Variants in POSTN observed in about 807,000 individuals in gnomAD.
The protein encoded by POSTN is periostin.
POSTN carries 71 observed loss-of-function variants against 104.5 expected under a neutral mutation model. That is an observed-to-expected ratio of 0.68 (90% CI 0.56 to 0.83). The LOEUF (loss-of-function observed/expected upper bound fraction) is 0.83. Ranked by LOEUF, POSTN falls within the 40% of genes least tolerant of loss-of-function variation. The pLI is 0.00. For synonymous variants in POSTN, 355 were observed against 340.7 expected, an observed-to-expected ratio of 1.04 and a Z score of -0.46; for missense variants, 949 against 1,006.8, an observed-to-expected ratio of 0.94 and a Z score of 0.78.
chr13:37,587,678 C>T, intron 5 of POSTN, 144 bp downstream of exon 5: 3 of 623,496 alleles, frequency 4.8e-6, no homozygotes, highest in Non-Finnish European at 7.8e-6. Context: ...ATTTACATGC[C>T]CTAGATTTGG....
intron 17 of POSTN, 23 bp downstream of exon 17, chr13:37,574,549 C>G: frequency 3.8e-6 from 6 of 1,571,122 alleles, no homozygotes; most frequent in Non-Finnish European, 5.1e-6. Context: ...ATAAAAGGAA[C>G]CATGTATAAC....
intron 15 of POSTN, among the ~76,000 whole-genome samples, chr13:37,578,469 C>A (rs1950478151): frequency 6.6e-6 from 1 of 151,732 alleles, no homozygotes; most frequent in African/African-American, 2.4e-5. Context: ...TTATGTTAAA[C>A]CTGTAATATA....
In POSTN at chr13:37,584,076, T is replaced by G; in HGVS notation, c.1136A>C (p.Lys379Thr). The G allele has an allele frequency of 6.2e-7, 1 of 1,613,872 alleles. No individual in the cohort carries two copies. Among genetic ancestry groups the G allele is most frequent in the Non-Finnish European group, 8.5e-7 (1 of 1,179,896 alleles). ...SAKQVIELAG[K>T]QQTTFTDLVA... Reference sequence around the variant, plus strand: ...AAGATCCGTGAAGGTGGTTTGCTGTTTTCCAGCCAGCTCAATAACTTGTTT... The same window carrying G: ...AAGATCCGTGAAGGTGGTTTGCTGTGTTCCAGCCAGCTCAATAACTTGTTT... The change falls in exon 9 of 23, where the codon AAA becomes ACA. Residue 379 changes from lysine to threonine, a missense_variant. Lys to Thr is a moderately conservative substitution (Grantham distance 78). Transcript: ENST00000379747.
rs1950692163 is a variant in POSTN, at chr13:37,584,643, C to T, written c.1108+73G>A. On this transcript the variant is annotated intron_variant, in intron 8 of 22. Coordinates refer to ENST00000379747, the MANE Select transcript of POSTN (RefSeq NM_006475.3). ...TGCACATTCATTTTTCATGGACTTA[C>T]TCTTTGAGACAGCATAATTAGTAAA... 3.4e-5 allele frequency: 42 copies of T among 1,238,606 alleles called. 1 individual carries two copies. The South Asian group carries it at 5.0e-4, about 15-fold the overall frequency. 76.7% of individuals were successfully genotyped at this position (1,238,606 alleles called of 1,614,324 possible). A position where few individuals can be genotyped will look rare whatever the true frequency, so the allele number is the denominator to read the frequency against.
In POSTN at chr13:37,570,647, G is replaced by C; in HGVS notation, c.2202C>G (p.Thr734=). The C allele has an allele frequency of 6.2e-7, 1 of 1,607,254 alleles. No homozygotes were observed. ...IHGEPIIKKY[T]KIIDGVPVEI... is the part of the protein sequence containing the mutation. ...CCACAGGCACTCCATCAATGATTTT[G>C]GTGTATTTTTTAATAATTGGCTCTA... Residue 734 remains threonine, a synonymous_variant, in exon 19 of 23, where the codon ACC becomes ACG. Coordinates refer to ENST00000379747, the MANE Select transcript of POSTN (RefSeq NM_006475.3).
intron 15 of POSTN, 46 bp from the exon 16 acceptor site, chr13:37,577,844 T>A (rs1190886824): frequency 6.2e-7 from 1 of 1,609,954 alleles, no homozygotes; most frequent in Admixed American, 1.7e-5. Flanking sequence ...GTGATAGTTG[T>A]GTTAACAAAA....
At position 37,590,424 on chromosome 13, in the gene POSTN, C is replaced by A; in HGVS notation, c.389G>T (p.Gly130Val). ...ACTCGGTGCAAAGTAAGTGAAGGAT[C>A]CCTTTCCCTCGATCTCCTCCCTCAG... ...SKLREEIEGK[G>V]SFTYFAPSNE... is the part of the protein sequence containing the mutation. The change falls in exon 4 of 23, where the codon GGA becomes GTA. Residue 130 changes from glycine (G) to valine (V), a missense_variant. Gly to Val is a moderately radical substitution (Grantham distance 109). Transcript: ENST00000379747. 6.2e-7 allele frequency: 1 copy of A among 1,610,530 alleles called. No homozygotes were observed. Among genetic ancestry groups the A allele is most frequent in the African/African-American group, 1.3e-5 (1 of 75,002 alleles).
intron 2 of POSTN, among the ~76,000 whole-genome samples, chr13:37,595,061 A>G (rs78287092): frequency 8.4e-6 from 1 of 119,364 alleles, no homozygotes; most frequent in Non-Finnish European, 1.8e-5. Flanking sequence ...TTTTTTTTTT[A>G]ATGGAAAGCA....
chr13:37,594,425 C>A (rs1009688367), intron 2 of POSTN, among the ~76,000 whole-genome samples: 1 of 151,180 alleles, frequency 6.6e-6, no homozygotes, highest in Non-Finnish European at 1.5e-5. Context: ...TATCTCTGAG[C>A]GGATATTTTG....
rs899605384 is a variant in POSTN, at chr13:37,577,695, A to G, written c.2008+58T>C. On this transcript the variant is annotated intron_variant, in intron 16 of 22. Coordinates refer to ENST00000379747, the MANE Select transcript of POSTN (RefSeq NM_006475.3). ...AATCTCTGTAAATACAAAGAAATGT[A>G]TTGTTTTCTTTTTTCATACCTTGCC... is the stretch of plus-strand genomic sequence containing the variant. 38 of 1,591,896 alleles carry G rather than the reference A, an allele frequency of 2.4e-5. No individual in the cohort carries two copies. The African/African-American group carries it at 4.9e-4, about 20-fold the overall frequency.
chr13:37,595,987 G>A (rs9603230), intron 2 of POSTN, among the ~76,000 whole-genome samples: 1 of 151,418 alleles, frequency 6.6e-6, no homozygotes, highest in African/African-American at 2.4e-5. Flanking sequence ...TTTTTTACTA[G>A]AGATGGGGTT....
intron 20 of POSTN, 133 bp from the exon 21 acceptor site, chr13:37,569,516 G>T: frequency 1.2e-6 from 1 of 857,252 alleles, no homozygotes; most frequent in Non-Finnish European, 1.9e-6. Flanking sequence ...ACAAATTTTA[G>T]TGCTGTTTTC....
intron 1 of POSTN, among the ~76,000 whole-genome samples, chr13:37,598,085 T>G (rs1566040897): frequency 6.6e-6 from 1 of 152,188 alleles, no homozygotes; most frequent in South Asian, 2.1e-4. Flanking sequence ...AAATTACCTT[T>G]GCAAATTTTA....
At chr13:37,588,908 T>C (rs1451232089) in intron 4 of POSTN, among the ~76,000 whole-genome samples, 2 of 152,170 alleles carry the variant, frequency 1.3e-5, no homozygotes, top group Non-Finnish European at 2.9e-5. Context: ...GGTTGAGTGG[T>C]AATGTACAGC....
chr13:37,592,203 T>C, intron 2 of POSTN, 39 bp from the exon 3 acceptor site: 1 of 1,182,408 alleles, frequency 8.5e-7, no homozygotes, highest in Non-Finnish European at 1.2e-6. Flanking sequence ...AATGAGAAAC[T>C]AAATAGGATA....
At position 37,584,856 on chromosome 13, in the gene POSTN, G is replaced by T; in HGVS notation, c.968C>A (p.Thr323Lys). ...ESIMGGAVFE[T>K]LEGNTIEIGC... is the part of the protein sequence containing the mutation. The stretch of plus-strand genomic sequence containing the variant: ...TATCTCAATTGTATTTCCTTCCAGC[G>T]TCTCAAAGACTGCTCCTCCCATAAT... The change falls in exon 8 of 23, where the codon ACG becomes AAG. Residue 323 changes from threonine to lysine, a missense_variant. Coordinates refer to ENST00000379747, the MANE Select transcript of POSTN (RefSeq NM_006475.3). 2.5e-6 allele frequency: 4 copies of T among 1,613,712 alleles called. No individual in the cohort carries two copies. The highest frequency in any genetic ancestry group is 3.4e-6 in the Non-Finnish European group (4 of 1,179,916).
At chr13:37,570,705 C>T (rs1289031408) in intron 18 of POSTN, 36 bp from the exon 19 acceptor site, 1 of 1,307,078 alleles carries the variant, frequency 7.7e-7, no homozygotes, top group Admixed American at 1.7e-5. Flanking sequence ...TTTGATTTAC[C>T]CTCATATTGT....
chr13:37,573,882 T>A (rs888381305), intron 17 of POSTN, among the ~76,000 whole-genome samples: 1 of 151,452 alleles, frequency 6.6e-6, no homozygotes, highest in Non-Finnish European at 1.5e-5. Context: ...GAGAGAAAAG[T>A]AACTGCTTAT....
rs1375580316 is a variant in POSTN at position 37,582,486 on chromosome 13, G to A, written c.1272C>T (p.Leu424=). 3 of 1,612,820 alleles carry A rather than the reference G, an allele frequency of 1.9e-6. No individual in the cohort carries two copies. The highest frequency in any genetic ancestry group is 8.5e-7 in the Non-Finnish European group (1 of 1,179,384). The change falls in exon 10 of 23, where the codon CTC becomes CTT. Residue 424 remains leucine (L), a synonymous_variant. Coordinates refer to ENST00000379747, the MANE Select transcript of POSTN (RefSeq NM_006475.3). Reference sequence around the variant, plus strand: ...TGTGATTCTGCAGAATTAATTTAAGGAGGCGCTGATCCATGCTGAGAGTAT... The same window carrying A: ...TGTGATTCTGCAGAATTAATTTAAGAAGGCGCTGATCCATGCTGAGAGTAT... The part of the protein sequence containing the change: ...SDDTLSMDQR[L]LKLILQNHIL...
Sources: gnomAD v4.1 joint callset for allele counts (sites outside exome capture counted in the v4.1 genomes callset) on GRCh38, gnomAD v4.1.1 for gene constraint, MANE v1.5 for transcripts, NCBI Gene and HGNC (gene_info 2026-07-23, HGNC 2026-07-21) for gene names.